The following PTPRD variants were observed in gnomAD, a reference collection of about 807,000 sequenced individuals.
The protein encoded by PTPRD is protein tyrosine phosphatase receptor type D, also known as receptor-type tyrosine-protein phosphatase delta.
PTPRD carries 34 observed loss-of-function variants against 214.5 expected under a neutral mutation model. The observed-to-expected ratio is 0.16, with a 90% CI of 0.12 to 0.21. The LOEUF is 0.21. PTPRD is among the 10% of genes least tolerant of loss of function. The probability of loss-of-function intolerance (pLI) is 1.00; values close to 1 mark genes in which losing one functional copy is unlikely to be tolerated. For synonymous variants in PTPRD, 1,128 were observed against 845.7 expected (o/e 1.33, Z -5.79); for missense variants, 2,545 against 2,398.7 (o/e 1.06, Z -1.27).
Position 10,573,174 on chromosome 9 carries a change from T to C in PTPRD, c.-600+39224A>G, listed in dbSNP as rs555903023. Among the ~76,000 whole-genome samples, 16 of 152,310 alleles carry C rather than the reference T, an allele frequency of 1.1e-4. No homozygotes were observed. In the East Asian group the frequency reaches 3.1e-3, roughly 29 times the overall value. On this transcript the variant is annotated intron_variant, in intron 2 of 45. Coordinates refer to ENST00000381196, the MANE Select transcript of PTPRD (RefSeq NM_002839.4). ...AAAATAGAACAAGATTCTCAACTCC[T>C]GAATTTAGAAATATGTGCTAATTTC...
At chr9:8,610,262 T>C (rs1032781677) in intron 14 of PTPRD, among the ~76,000 whole-genome samples, 12 of 152,134 alleles carry the variant, frequency 7.9e-5, no homozygotes, top group African/African-American at 1.9e-4. Context: ...GTAAAACACA[T>C]ATATATATTT....
At chr9:8,422,007 G>A (rs2094397208) in intron 35 of PTPRD, among the ~76,000 whole-genome samples, 1 of 151,564 alleles carries the variant, frequency 6.6e-6, no homozygotes, top group Non-Finnish European at 1.5e-5. Context: ...GTTAGCCAGT[G>A]GGGTGGTGTG....
chr9:9,555,406 T>G (rs970366695), intron 8 of PTPRD, among the ~76,000 whole-genome samples: 1 of 152,038 alleles, frequency 6.6e-6, no homozygotes, highest in Non-Finnish European at 1.5e-5. Context: ...GTTTATAGAG[T>G]TAGACAAGTA....
intron 10 of PTPRD, among the ~76,000 whole-genome samples, chr9:9,135,750 T>C (rs992891694): frequency 5.3e-5 from 8 of 152,312 alleles, no homozygotes; most frequent in African/African-American, 1.9e-4. Context: ...TGTTATATTG[T>C]AACAATTTAT....
chr9:9,938,086 G>A (rs1036950533), intron 5 of PTPRD, among the ~76,000 whole-genome samples: 2 of 152,092 alleles, frequency 1.3e-5, no homozygotes, highest in Non-Finnish European at 2.9e-5. Flanking sequence ...AGGTCCTGAA[G>A]GGTTACTCGG....
intron 9 of PTPRD, among the ~76,000 whole-genome samples, chr9:9,387,048 T>C (rs1247125785): frequency 6.6e-6 from 1 of 152,178 alleles, no homozygotes; most frequent in Non-Finnish European, 1.5e-5. Context: ...GTGCAGGTGC[T>C]AAGGTTGATT....
chr9:9,635,468 T>C (rs550007446), intron 7 of PTPRD, among the ~76,000 whole-genome samples: 1 of 152,332 alleles, frequency 6.6e-6, no homozygotes, highest in African/African-American at 2.4e-5. Flanking sequence ...TGATTTCACA[T>C]GGACCAAGAG....
intron 2 of PTPRD, among the ~76,000 whole-genome samples, chr9:10,456,476 T>C (rs1053138336): frequency 2.0e-5 from 3 of 151,950 alleles, no homozygotes; most frequent in African/African-American, 7.2e-5. Flanking sequence ...TAGAGACACA[T>C]TAAATCCAGA....
intron 7 of PTPRD, among the ~76,000 whole-genome samples, chr9:9,656,732 A>G (rs1298783901): frequency 6.6e-6 from 1 of 152,176 alleles, no homozygotes; most frequent in Non-Finnish European, 1.5e-5. Flanking sequence ...TAGAAGATGC[A>G]GCAAGAGTGA....
intron 5 of PTPRD, among the ~76,000 whole-genome samples, chr9:9,907,645 AG>A (rs554973914): frequency 2.6e-4 from 39 of 152,092 alleles, no homozygotes; most frequent in African/African-American, 8.7e-4. Flanking sequence ...ATTGGGGATT[AG>A]GGCTTCAACA....
intron 3 of PTPRD, among the ~76,000 whole-genome samples, chr9:10,104,373 T>A (rs895443135): frequency 6.6e-6 from 1 of 151,770 alleles, no homozygotes; most frequent in African/African-American, 2.4e-5. Flanking sequence ...AATGGCTTGA[T>A]GAATTCTTTA....
At chr9:10,487,338 GTTGTTTTCTGT>G (rs924601316) in intron 2 of PTPRD, among the ~76,000 whole-genome samples, 2 of 152,008 alleles carry the variant, frequency 1.3e-5, no homozygotes, top group African/African-American at 2.4e-5. Context: ...CATTTTGTTT[GTTGTTTTCTGT>G]TTGTTTTCTG....
At chr9:10,131,733 C>T (rs1036290311) in intron 3 of PTPRD, among the ~76,000 whole-genome samples, 1 of 151,896 alleles carries the variant, frequency 6.6e-6, no homozygotes, top group Non-Finnish European at 1.5e-5. Flanking sequence ...GTGAAGGGCA[C>T]AGTAATGGTA....
intron 3 of PTPRD, among the ~76,000 whole-genome samples, chr9:10,265,602 A>G (rs550978202): frequency 3.3e-5 from 5 of 152,242 alleles, no homozygotes; most frequent in African/African-American, 1.2e-4. Flanking sequence ...CAACTACTCA[A>G]CTCTGTCATT....
chr9:8,429,227 T>C (rs1309292832), intron 35 of PTPRD, among the ~76,000 whole-genome samples: 2 of 151,406 alleles, frequency 1.3e-5, no homozygotes, highest in Non-Finnish European at 2.9e-5. Flanking sequence ...AACATTTAAG[T>C]GTTTATATCA....
intron 9 of PTPRD, among the ~76,000 whole-genome samples, chr9:9,226,308 G>A (rs558990716): frequency 6.6e-6 from 1 of 151,576 alleles, no homozygotes; most frequent in African/African-American, 2.4e-5. Flanking sequence ...GCTATTATTT[G>A]GATGAAAAAT....
At chr9:10,458,512 T>G (rs1470178550) in intron 2 of PTPRD, among the ~76,000 whole-genome samples, 1 of 152,126 alleles carries the variant, frequency 6.6e-6, no homozygotes, top group Non-Finnish European at 1.5e-5. Context: ...ACAAAGCCTC[T>G]CAACAGTTTA....
At chr9:8,597,453 A>C (rs2094535608) in intron 14 of PTPRD, among the ~76,000 whole-genome samples, 1 of 152,160 alleles carries the variant, frequency 6.6e-6, no homozygotes, top group African/African-American at 2.4e-5. Flanking sequence ...CTTGTTCCAC[A>C]AAGAATTTAC....
intron 39 of PTPRD, among the ~76,000 whole-genome samples, chr9:8,364,105 G>C (rs932604489): frequency 6.6e-6 from 1 of 152,220 alleles, no homozygotes; most frequent in Non-Finnish European, 1.5e-5. Flanking sequence ...CTGTGAGTGT[G>C]TGAAAGAAAT....
Sources: allele counts gnomAD v4.1 joint callset (sites outside exome capture counted in the v4.1 genomes callset), GRCh38; gene constraint gnomAD v4.1.1; transcripts MANE v1.5; gene names NCBI Gene and HGNC (gene_info 2026-07-23, HGNC 2026-07-21).